The following HDAC9 variants were observed in gnomAD, a reference collection of about 807,000 sequenced individuals.
HDAC9 encodes the protein histone deacetylase 9.
Under a neutral mutation model 139.4 loss-of-function variants are expected in HDAC9, and 41 were observed. The ratio of observed to expected loss-of-function variants is 0.29; its 90% CI spans 0.23 to 0.38. The LOEUF (loss-of-function observed/expected upper bound fraction) is 0.38. Ranked by LOEUF, HDAC9 falls within the 10% of genes least tolerant of loss-of-function variation. HDAC9 has a pLI of 1.00. For missense variants in HDAC9, 1,147 were observed against 1,297.0 expected, an observed-to-expected ratio of 0.88 and a Z score of 1.78; for synonymous variants, 517 against 476.2, an observed-to-expected ratio of 1.09 and a Z score of -1.12.
At chr7:18,866,939 A>G (rs2129239217) in intron 21 of HDAC9, among the ~76,000 whole-genome samples, 1 of 152,318 alleles carries the variant, frequency 6.6e-6, no homozygotes. Flanking sequence ...TAGTTCCAGA[A>G]ATCTGATTCT....
Position 18,954,195 on chromosome 7 carries a change from C to G in HDAC9, c.2987C>G (p.Ala996Gly), listed in dbSNP as rs1782993576. The G allele has an allele frequency of 6.4e-7, 1 of 1,564,144 alleles. No individual in the cohort carries two copies. The highest frequency in any genetic ancestry group is 8.7e-7 in the Non-Finnish European group (1 of 1,145,972). Reference sequence around the variant, plus strand: ...CTCCACCAAAGCCCGAATATGAATGCTGTTATTTCTTTACAGAAGATCATT... The same window carrying G: ...CTCCACCAAAGCCCGAATATGAATGGTGTTATTTCTTTACAGAAGATCATT... ...DILHQSPNMNAVISLQKIIEI... is the reference protein window; with the variant it reads ...DILHQSPNMNGVISLQKIIEI... The change falls in exon 24 of 26, where the codon GCT (alanine) becomes GGT (glycine). Residue 996 changes from alanine (A) to glycine (G), a missense_variant. By Grantham distance (60) the Ala-to-Gly change is moderately conservative. Coordinates refer to ENST00000686413, the MANE Select transcript of HDAC9 (RefSeq NM_178425.4).
chr7:18,561,297 A>G (rs553188452), intron 2 of HDAC9, among the ~76,000 whole-genome samples: 84 of 152,336 alleles, frequency 5.5e-4, no homozygotes, highest in African/African-American at 1.9e-3. Context: ...CACTGAGCAT[A>G]CTTTAAAAAT....
intron 2 of HDAC9, among the ~76,000 whole-genome samples, chr7:18,194,296 T>A (rs546521456): frequency 1.3e-5 from 2 of 152,234 alleles, no homozygotes; most frequent in Non-Finnish European, 2.9e-5. Context: ...AATTTCTGTT[T>A]GTGTCCTTTG....
intron 21 of HDAC9, among the ~76,000 whole-genome samples, chr7:18,869,147 GGT>G (rs58034239): frequency 0.24 from 33,158 of 137,858 alleles, 4,099 homozygotes; most frequent in South Asian, 0.35. Context: ...TCACAATTGG[GGT>G]GTGTGTGTGT....
At chr7:18,285,008 C>T (rs1797344240) in intron 2 of HDAC9, among the ~76,000 whole-genome samples, 1 of 152,110 alleles carries the variant, frequency 6.6e-6, no homozygotes, top group African/African-American at 2.4e-5. Flanking sequence ...ACAAGCTTCA[C>T]TTTATCAAGG....
intron 16 of HDAC9, among the ~76,000 whole-genome samples, chr7:18,767,498 A>G (rs1348345424): frequency 6.6e-6 from 1 of 152,212 alleles, no homozygotes; most frequent in Non-Finnish European, 1.5e-5. Context: ...AGAGTTTAAC[A>G]CAGATTTGCA....
intron 25 of HDAC9, among the ~76,000 whole-genome samples, chr7:18,989,472 T>C (rs2129348304): frequency 1.3e-5 from 2 of 151,156 alleles, no homozygotes; most frequent in African/African-American, 4.8e-5. Context: ...CCTTTCTCTC[T>C]GGCTGCCCTT....
chr7:18,388,948 A>G (rs1020057286), intron 1 of HDAC9, among the ~76,000 whole-genome samples: 1 of 152,168 alleles, frequency 6.6e-6, no homozygotes, highest in African/African-American at 2.4e-5. Flanking sequence ...TGTCTGAACT[A>G]ACCTTTTTCT....
chr7:18,439,596 G>C (rs1791552930), intron 1 of HDAC9, among the ~76,000 whole-genome samples: 1 of 152,186 alleles, frequency 6.6e-6, no homozygotes, highest in South Asian at 2.1e-4. Flanking sequence ...AAAAACTTCA[G>C]AGGTCCTAGG....
chr7:18,529,629 A>G (rs1808187455), intron 2 of HDAC9, among the ~76,000 whole-genome samples: 1 of 152,176 alleles, frequency 6.6e-6, no homozygotes, highest in African/African-American at 2.4e-5. Context: ...TCGTGTATTT[A>G]TGGTTATATA....
At chr7:18,403,445 G>A (rs542584491) in intron 1 of HDAC9, among the ~76,000 whole-genome samples, 5 of 152,056 alleles carry the variant, frequency 3.3e-5, no homozygotes, top group African/African-American at 7.2e-5. Context: ...ATCGAAACAC[G>A]CTGTTGCACT....
chr7:18,390,036 T>C (rs1477829770), intron 1 of HDAC9, among the ~76,000 whole-genome samples: 1 of 128,176 alleles, frequency 7.8e-6, no homozygotes, highest in Non-Finnish European at 1.6e-5. Context: ...TGTTTGACCC[T>C]AGAGAAAGAC....
chr7:18,923,213 C>T (rs191321250), intron 22 of HDAC9, among the ~76,000 whole-genome samples: 14 of 152,040 alleles, frequency 9.2e-5, no homozygotes, highest in Non-Finnish European at 1.8e-4. Flanking sequence ...TACATCTATC[C>T]GTTAATATCC....
chr7:18,450,242 C>T (rs959174302), intron 1 of HDAC9, among the ~76,000 whole-genome samples: 3 of 152,198 alleles, frequency 2.0e-5, no homozygotes. Context: ...AATGCTCACT[C>T]ACTGACACTA....
chr7:18,455,578 G>A (rs1296974265), intron 1 of HDAC9, among the ~76,000 whole-genome samples: 2 of 152,006 alleles, frequency 1.3e-5, no homozygotes, highest in Non-Finnish European at 2.9e-5. Flanking sequence ...ATAAATGAAC[G>A]ATTTTTATTT....
intron 1 of HDAC9, among the ~76,000 whole-genome samples, chr7:18,410,238 G>A (rs1473079964): frequency 6.6e-6 from 1 of 152,188 alleles, no homozygotes; most frequent in Non-Finnish European, 1.5e-5. Flanking sequence ...TGATGGAGCA[G>A]CAAGGGAGGT....
chr7:18,829,646 A>C (rs1795715082), intron 19 of HDAC9, 98 bp downstream of exon 19: 2 of 730,224 alleles, frequency 2.7e-6, no homozygotes, highest in South Asian at 3.5e-5. Flanking sequence ...TAGCACTTGC[A>C]AACAACTGAA....
chr7:18,159,843 T>G (rs1440201537), intron 1 of HDAC9, among the ~76,000 whole-genome samples: 2 of 152,194 alleles, frequency 1.3e-5, no homozygotes, highest in Non-Finnish European at 2.9e-5. Context: ...CAATGTGTCA[T>G]GTGGAGGCAG....
At chr7:18,688,744 T>C (rs1400981251) in intron 12 of HDAC9, among the ~76,000 whole-genome samples, 1 of 151,904 alleles carries the variant, frequency 6.6e-6, no homozygotes, top group African/African-American at 2.4e-5. Context: ...ACGGGAAATG[T>C]CTTTAAGTTT....
Sources: allele counts gnomAD v4.1 joint callset (sites outside exome capture counted in the v4.1 genomes callset), GRCh38; gene constraint gnomAD v4.1.1; transcripts MANE v1.5; gene names NCBI Gene and HGNC (gene_info 2026-07-23, HGNC 2026-07-21).